Variants in PHF19 observed in about 807,000 individuals in gnomAD.
PHF19 encodes polycomb like 3.
In PHF19, 21 loss-of-function variants were observed where a neutral mutation model predicts 79.8. That is an observed-to-expected ratio of 0.26 (90% CI 0.19 to 0.38). The LOEUF is 0.38. Among genes scored for constraint, PHF19 ranks in the 10% least tolerant of loss-of-function variants. The probability of loss-of-function intolerance (pLI) is 1.00; values close to 1 mark genes in which losing one functional copy is unlikely to be tolerated. For synonymous variants in PHF19, 273 were observed against 296.3 expected, an observed-to-expected ratio of 0.92 and a Z score of 0.81; for missense variants, 445 against 744.2, an observed-to-expected ratio of 0.60 and a Z score of 4.68.
the PHF19 span, chr9:120,903,165 C>T: frequency 6.6e-6 from 1 of 152,310 alleles, no homozygotes; most frequent in Non-Finnish European, 1.5e-5. Context: ...TCAGTCTCCA[C>T]TGCCTCCACA....
rs2046002601 is a variant in PHF19 at position 120,874,858 on chromosome 9, C to G, written c.-15-102G>C. ...CCATTTCTGTACCCTGTGCTATAAG[C>G]CAGACTTGGTTATTATCTCACTGAT... On this transcript the variant is annotated intron_variant, in intron 1 of 14. Coordinates refer to ENST00000373896, the MANE Select transcript of PHF19 (RefSeq NM_015651.3). This position sits in a 1 kb window ranked among gnomAD's most constrained non-coding sequence, Gnocchi z 4.5. The G allele has an allele frequency of 4.3e-6, 3 of 690,424 alleles. No homozygotes were observed. The highest frequency in any genetic ancestry group is 2.7e-5 in the Admixed American group (1 of 37,258). The allele number at this position is 690,424 out of a possible 1,614,324, so 42.8% of individuals were successfully genotyped here.
intron 3 of PHF19, among the ~76,000 whole-genome samples, chr9:120,873,692 G>C (rs956289280): frequency 7.2e-5 from 11 of 152,206 alleles, no homozygotes; most frequent in Non-Finnish European, 1.5e-4. Context: ...GCAAACGCAG[G>C]CCTGAGGCCC....
chr9:120,891,476 G>A lies in PHF19; in HGVS notation c.42+3312C>T, dbSNP rs1588140242. ...CAGAGACTCTGGTTTGATTGGCCTG[G>A]ATGTGGCCTAGGCATGGGGTGAAGA... On this transcript the variant is annotated intron_variant, in intron 1 of 14. Transcript: ENST00000616568. This position sits in a 1 kb window ranked among gnomAD's most constrained non-coding sequence, Gnocchi z 4.3. Among the ~76,000 whole-genome samples the A allele has an allele frequency of 6.6e-6, 1 of 152,154 alleles. No homozygotes were observed. The highest frequency in any genetic ancestry group is 2.4e-5 in the African/African-American group (1 of 41,434).
At chr9:120,885,253 C>T (rs370028119) in intron 1 of PHF19, among the ~76,000 whole-genome samples, 2 of 152,258 alleles carry the variant, frequency 1.3e-5, no homozygotes, top group African/African-American at 4.8e-5. Context: ...AGTTTTCCAA[C>T]TTCTCATTTT....
At chr9:120,884,397 G>A (rs1371218532) in intron 1 of PHF19, among the ~76,000 whole-genome samples, 1 of 135,038 alleles carries the variant, frequency 7.4e-6, no homozygotes, top group Non-Finnish European at 1.6e-5. Context: ...CAAGCTGGGT[G>A]TGTAGGAGAA....
chr9:120,877,898 C>T (rs909499377), upstream of PHF19, among the ~76,000 whole-genome samples: 2 of 152,170 alleles, frequency 1.3e-5, no homozygotes, highest in Non-Finnish European at 2.9e-5. Context: ...ACACACTGTA[C>T]ACAACAGAGA....
intron 3 of PHF19, among the ~76,000 whole-genome samples, chr9:120,871,700 TTTGTC>T (rs1335070912): frequency 2.6e-5 from 4 of 152,240 alleles, no homozygotes; most frequent in African/African-American, 9.6e-5. Context: ...TTGATACGTG[TTTGTC>T]TTATTTCCCC....
At chr9:120,900,136 G>A in the PHF19 span, among the ~76,000 whole-genome samples, 429 of 135,786 alleles carry the variant, frequency 3.2e-3, 3 homozygotes, top group Non-Finnish European at 7.7e-4. Flanking sequence ...ACAGGCATGG[G>A]CCACCATGCC....
At chr9:120,858,765 T>G (rs997163340) in intron 14 of PHF19, among the ~76,000 whole-genome samples, 3 of 149,024 alleles carry the variant, frequency 2.0e-5, no homozygotes, top group Non-Finnish European at 3.0e-5. Context: ...GGTTAGGGAC[T>G]GAAGGACCCT....
upstream of PHF19, chr9:120,877,281 C>T: frequency 1.1e-6 from 1 of 927,544 alleles, no homozygotes; most frequent in Non-Finnish European, 1.3e-6. Flanking sequence ...AGGGAGGGGC[C>T]GGGGCGCTCA....
chr9:120,861,236 C>T, intron 12 of PHF19, 62 bp from the exon 13 acceptor site: 1 of 939,910 alleles, frequency 1.1e-6, no homozygotes. Flanking sequence ...ACCTCCCACA[C>T]AGGCTGCCTC....
intron 1 of PHF19, among the ~76,000 whole-genome samples, chr9:120,885,700 C>G (rs746290329): frequency 3.1e-4 from 47 of 152,302 alleles, no homozygotes; most frequent in Admixed American, 1.3e-3. Flanking sequence ...TCTGCCCCTC[C>G]CTTGCCCAGA....
At chr9:120,881,934 G>A (rs1445188938), upstream of PHF19, among the ~76,000 whole-genome samples, 2 of 152,182 alleles carry the variant, frequency 1.3e-5, no homozygotes, top group East Asian at 1.9e-4. Flanking sequence ...GCTAATTTTT[G>A]TATTTTTAGT....
chr9:120,883,511 C>A (rs2046218472), intron 1 of PHF19, among the ~76,000 whole-genome samples: 2 of 152,164 alleles, frequency 1.3e-5, no homozygotes, highest in African/African-American at 4.8e-5. Context: ...GAAATCCCAG[C>A]ACTTTGGGAG....
chr9:120,889,893 G>C (rs1345959689), intron 1 of PHF19, among the ~76,000 whole-genome samples: 1 of 152,222 alleles, frequency 6.6e-6, no homozygotes, highest in Admixed American at 6.5e-5. Flanking sequence ...ACAGGCTCTA[G>C]GATCTGGACT....
rs1489995405 is a variant in PHF19, at chr9:120,862,909, C to T, written c.969-160G>A. ...TGACTTCCTCAAAGCCCATGGGATG[C>T]GGGGTTCCAGGTAGCAGCTGAGAAC... On this transcript the variant is annotated intron_variant, in intron 10 of 14. Coordinates refer to ENST00000373896, the MANE Select transcript of PHF19 (RefSeq NM_015651.3). This position sits in a 1 kb window ranked among gnomAD's most constrained non-coding sequence, Gnocchi z 4.6. 9.1e-6 allele frequency: 6 copies of T among 657,028 alleles called. No individual in the cohort carries two copies. Among genetic ancestry groups the T allele is most frequent in the South Asian group, 1.8e-5 (1 of 55,234 alleles). The allele number at this position is 657,028 out of a possible 1,614,324, so 40.7% of individuals were successfully genotyped here. A position where few individuals can be genotyped will look rare whatever the true frequency, so the allele number is the denominator to read the frequency against.
At position 120,862,063 on chromosome 9, in the gene PHF19, G is replaced by T. The variant is rs987162636; in HGVS notation, c.1131-58C>A. The stretch of plus-strand genomic sequence containing the variant: ...GTCAGAGCCTGAGGGCCCTAGGGTG[G>T]CCCAGAGGGAGGCGCCGCAGGGGCG... On this transcript the variant is annotated intron_variant, in intron 11 of 14. Transcript: ENST00000373896. The surrounding 1 kb of genome is among the most constrained non-coding windows in gnomAD (Gnocchi z 4.6). 4.5e-6 allele frequency: 6 copies of T among 1,330,580 alleles called. No homozygotes were observed. In the African/African-American group the frequency reaches 5.8e-5, roughly 13 times the overall value. The allele number at this position is 1,330,580 out of a possible 1,614,324, so 82.4% of individuals were successfully genotyped here.
At chr9:120,896,874 T>G (rs910793742), upstream of PHF19, among the ~76,000 whole-genome samples, 2 of 152,240 alleles carry the variant, frequency 1.3e-5, no homozygotes, top group African/African-American at 4.8e-5. Flanking sequence ...TCCCTTTCTC[T>G]TGTGTAGGAT....
In PHF19 at chr9:120,869,585, G is replaced by A; in HGVS notation, c.466-255C>T. ...ACAATTACCAACATGTATTTACATG[G>A]ATTTTCTTTTTTAATAGTAAAGCAT... On this transcript the variant is annotated intron_variant, in intron 5 of 14. Coordinates refer to ENST00000373896, the MANE Select transcript of PHF19 (RefSeq NM_015651.3). This position sits in a 1 kb window ranked among gnomAD's most constrained non-coding sequence, Gnocchi z 5.8. The A allele has an allele frequency of 6.8e-7, 1 of 1,469,566 alleles. No individual in the cohort carries two copies. Among genetic ancestry groups the A allele is most frequent in the East Asian group, 2.5e-5 (1 of 40,220 alleles). The allele number at this position is 1,469,566 out of a possible 1,614,324, so 91.0% of individuals were successfully genotyped here.
Sources: gnomAD v4.1 joint callset for allele counts (sites outside exome capture counted in the v4.1 genomes callset) on GRCh38, gnomAD v4.1.1 for gene constraint, Gnocchi (gnomAD v3.1) non-coding constraint, MANE v1.5 for transcripts, NCBI Gene and HGNC (gene_info 2026-07-23, HGNC 2026-07-21) for gene names.